GNL3: variants seen among roughly 807,000 people sequenced by gnomAD.
GNL3 encodes the protein G protein nucleolar 3.
GNL3 carries 77 observed loss-of-function variants against 70.6 expected under a neutral mutation model. The ratio of observed to expected loss-of-function variants is 1.09; its 90% CI spans 0.91 to 1.32. The LOEUF (loss-of-function observed/expected upper bound fraction) is 1.32, where lower values mean the gene tolerates loss of function less well. Ranked by LOEUF, GNL3 falls within the 40% of genes most tolerant of loss-of-function variation. The pLI, the probability that GNL3 is intolerant of heterozygous loss-of-function variation, is 0.00. For missense variants in GNL3, 634 were observed against 644.0 expected (o/e 0.98, Z 0.17); for synonymous variants, 252 against 216.1 (o/e 1.17, Z -1.46).
In GNL3 at chr3:52,687,349, C is replaced by T. The variant is rs375460127; in HGVS notation, c.176C>T (p.Ala59Val). 4.5e-5 allele frequency: 73 copies of T among 1,613,660 alleles called. No homozygotes were observed. Among genetic ancestry groups the T allele is most frequent in the Middle Eastern group, 1.6e-4 (1 of 6,082 alleles). ...CCAAACAGTGCTCCCTTTAAGGAGGCTCTTCTTAGGGAAGCTGAGCTAAGG... is the reference window on the plus strand; with the variant it reads ...CCAAACAGTGCTCCCTTTAAGGAGGTTCTTCTTAGGGAAGCTGAGCTAAGG... The part of the protein sequence containing the change: ...GVPNSAPFKE[A>V]LLREAELRKQ... The change falls in exon 3 of 15, where the codon GCT (alanine) becomes GTT (valine). Residue 59 changes from alanine (A) to valine (V), a missense_variant. Transcript: ENST00000418458.
At chr3:52,691,376 G>A (rs2097327065) in intron 8 of GNL3, 166 bp from the exon 9 acceptor site, 7 of 637,534 alleles carry the variant, frequency 1.1e-5, no homozygotes, top group Non-Finnish European at 1.9e-5. Flanking sequence ...CATTACTTGT[G>A]CAAGAAATGA....
intron 4 of GNL3, 119 bp from the exon 5 acceptor site, chr3:52,687,990 C>G: frequency 2.9e-6 from 2 of 699,004 alleles, no homozygotes; most frequent in Non-Finnish European, 5.2e-6. Flanking sequence ...CAACTGAGTT[C>G]AGACTCCATC....
At position 52,687,345 on chromosome 3, in the gene GNL3, G is replaced by A; in HGVS notation, c.172G>A (p.Glu58Lys). The change falls in exon 3 of 15, where the codon GAG becomes AAG. Residue 58 changes from glutamate to lysine, a missense_variant. Physicochemically the swap from Glu to Lys is moderately conservative, Grantham distance 56 (BLOSUM62 1). Coordinates refer to ENST00000418458, the MANE Select transcript of GNL3 (RefSeq NM_014366.5). ...PGVPNSAPFKEALLREAELRK... is the reference protein window; with the variant it reads ...PGVPNSAPFKKALLREAELRK... ...AGTTCCAAACAGTGCTCCCTTTAAG[G>A]AGGCTCTTCTTAGGGAAGCTGAGCT... is the stretch of plus-strand genomic sequence containing the variant. 1.9e-6 allele frequency: 3 copies of A among 1,613,760 alleles called. No homozygotes were observed. The highest frequency in any genetic ancestry group is 2.5e-6 in the Non-Finnish European group (3 of 1,179,704).
intron 1 of GNL3, chr3:52,686,472 T>G (rs765960078): frequency 1.4e-5 from 8 of 569,952 alleles, no homozygotes; most frequent in Non-Finnish European, 2.2e-5. Flanking sequence ...CTCTCCTGCC[T>G]TATGATTCGT....
intron 9 of GNL3, 32 bp from the exon 10 acceptor site, chr3:52,692,840 T>C (rs367943882): frequency 2.5e-4 from 393 of 1,569,730 alleles, no homozygotes; most frequent in Non-Finnish European, 3.3e-4. Flanking sequence ...AATAGACCAA[T>C]GCCCCCATCA....
chr3:52,692,071 A>T (rs2097327820), intron 9 of GNL3, among the ~76,000 whole-genome samples: 1 of 152,212 alleles, frequency 6.6e-6, no homozygotes, highest in African/African-American at 2.4e-5. Context: ...GGAGTGGGAC[A>T]GCTGCCCACA....
At position 52,686,049 on chromosome 3, in the gene GNL3, A is replaced by G. The variant is rs978291198; in HGVS notation, c.-44A>G. 9 of 919,260 alleles carry G rather than the reference A, an allele frequency of 9.8e-6. No individual in the cohort carries two copies. The highest frequency in any genetic ancestry group is 1.7e-5 in the Admixed American group (1 of 59,184). The allele number at this position is 919,260 out of a possible 1,614,324, so 56.9% of individuals were successfully genotyped here. A position where few individuals can be genotyped will look rare whatever the true frequency, so the allele number is the denominator to read the frequency against. On this transcript the variant is annotated 5_prime_UTR_variant, in exon 1 of 15. Transcript: ENST00000418458. ...GTGGCTTCAGTTCACACGTGGCGCC[A>G]GCGGAGGCAGGTTGATGTGTTTGTG... is the stretch of plus-strand genomic sequence containing the variant.
At chr3:52,686,651 C>T (rs922951807) in intron 1 of GNL3, 118 bp from the exon 2 acceptor site, 1 of 729,052 alleles carries the variant, frequency 1.4e-6, no homozygotes, top group Non-Finnish European at 2.4e-6. Context: ...AGGCATTTCG[C>T]ATTAGACTTA....
Position 52,691,336 on chromosome 3 carries a change from G to A in GNL3, c.782-206G>A, listed in dbSNP as rs2097327040. ...GCTGGTTTCTAAAAGTTCTTGGTTTGTTTGAATTTATAGTATTTTCCTGCC... is the reference window on the plus strand; with the variant it reads ...GCTGGTTTCTAAAAGTTCTTGGTTTATTTGAATTTATAGTATTTTCCTGCC... On this transcript the variant is annotated intron_variant, in intron 8 of 14. Coordinates refer to ENST00000418458, the MANE Select transcript of GNL3 (RefSeq NM_014366.5). 1.3e-5 allele frequency: 8 copies of A among 606,944 alleles called. No individual in the cohort carries two copies. The South Asian group carries it at 1.7e-4, about 13-fold the overall frequency. The allele number at this position is 606,944 out of a possible 1,614,324, so 37.6% of individuals were successfully genotyped here. A position where few individuals can be genotyped will look rare whatever the true frequency, so the allele number is the denominator to read the frequency against.
intron 4 of GNL3, 157 bp downstream of exon 4, chr3:52,687,772 C>T: frequency 1.6e-6 from 1 of 615,252 alleles, no homozygotes; most frequent in Non-Finnish European, 2.9e-6. Flanking sequence ...GCTGGGACTA[C>T]AGAAGCACAC....
At chr3:52,691,288 G>A in intron 8 of GNL3, 1 of 608,236 alleles carries the variant, frequency 1.6e-6, no homozygotes, top group Non-Finnish European at 2.9e-6. Flanking sequence ...CAGGTTTTTT[G>A]TTGGGACTGA....
chr3:52,693,482 T>C lies in GNL3; in HGVS notation c.1262T>C (p.Val421Ala). The C allele has an allele frequency of 6.2e-7, 1 of 1,614,118 alleles. No individual in the cohort carries two copies. Among genetic ancestry groups the C allele is most frequent in the Non-Finnish European group, 8.5e-7 (1 of 1,179,946 alleles). ...PPPYFNESIV[V>A]DMKSGFNLEE... ...CCATATTTTAATGAGAGTATTGTGG[T>C]AGACATGAAAAGCGGCTTCAATCTG... The change falls in exon 12 of 15, where the codon GTA becomes GCA. Residue 421 changes from valine (V) to alanine (A), a missense_variant. Physicochemically the swap from Val to Ala is moderately conservative, Grantham distance 64 (BLOSUM62 0). Coordinates refer to ENST00000418458, the MANE Select transcript of GNL3 (RefSeq NM_014366.5).
chr3:52,687,899 C>T (rs1265262333), intron 4 of GNL3: 5 of 596,084 alleles, frequency 8.4e-6, no homozygotes. Flanking sequence ...CAGGTGTGGG[C>T]TGTTGTGCCT....
chr3:52,694,046 T>TC lies in GNL3; in HGVS notation c.1511dup (p.Gly505ArgfsTer14). ...TTTCTTTGTCACACAGGAAAACAGC[T>TC]CAGGCATGTTTGCTGCAGAAGAGAC... On this transcript the variant is annotated frameshift_variant, in exon 14 of 15. Coordinates refer to ENST00000418458, the MANE Select transcript of GNL3 (RefSeq NM_014366.5). LOFTEE classifies it high-confidence loss of function. 1 of 1,613,648 alleles carries TC rather than the reference T, an allele frequency of 6.2e-7. No individual in the cohort carries two copies. Among genetic ancestry groups the TC allele is most frequent in the Admixed American group, 1.7e-5 (1 of 60,020 alleles).
At position 52,688,212 on chromosome 3, in the gene GNL3, T is replaced by C. The variant is rs1349820578; in HGVS notation, c.408+20T>C. ...AAAAAGGTATCTTAGCCTAGGTCAG[T>C]GTCTGACAGTAGTAATGAGGTTTAA... On this transcript the variant is annotated intron_variant, in intron 5 of 14. Coordinates refer to ENST00000418458, the MANE Select transcript of GNL3 (RefSeq NM_014366.5). 7.3e-7 allele frequency: 1 copy of C among 1,364,210 alleles called. No homozygotes were observed. The allele number at this position is 1,364,210 out of a possible 1,614,324, so 84.5% of individuals were successfully genotyped here. A position where few individuals can be genotyped will look rare whatever the true frequency, so the allele number is the denominator to read the frequency against.
At chr3:52,692,509 C>G (rs919025875) in intron 9 of GNL3, among the ~76,000 whole-genome samples, 9 of 151,060 alleles carry the variant, frequency 6.0e-5, no homozygotes, top group Admixed American at 2.6e-4. Context: ...AGAGACAGGG[C>G]TTTCATCATG....
chr3:52,686,685 C>T, intron 1 of GNL3, 84 bp from the exon 2 acceptor site: 1 of 1,024,560 alleles, frequency 9.8e-7, no homozygotes, highest in Non-Finnish European at 1.5e-6. Context: ...TAGCCAATAA[C>T]ACAAGAAAAG....
Position 52,686,894 on chromosome 3 carries a change from C to T in GNL3, c.72+67C>T, listed in dbSNP as rs566526423. ...AAACTGATTTTGCCCTGTTCCTTTG[C>T]GGGAAAGTCTGGGTTAATGTGATTT... is the stretch of plus-strand genomic sequence containing the variant. On this transcript the variant is annotated intron_variant, in intron 2 of 14. Transcript: ENST00000418458. 1.8e-4 allele frequency: 214 copies of T among 1,213,186 alleles called. No homozygotes were observed. The African/African-American group carries it at 2.5e-3, about 14-fold the overall frequency. 75.2% of individuals were successfully genotyped at this position (1,213,186 alleles called of 1,614,324 possible). A position where few individuals can be genotyped will look rare whatever the true frequency, so the allele number is the denominator to read the frequency against.
intron 2 of GNL3, 67 bp downstream of exon 2, chr3:52,686,894 C>A: frequency 1.6e-6 from 2 of 1,213,182 alleles, no homozygotes; most frequent in African/African-American, 1.5e-5. Flanking sequence ...TGTTCCTTTG[C>A]GGGAAAGTCT....
Sources: gnomAD v4.1 joint callset for allele counts (sites outside exome capture counted in the v4.1 genomes callset) on GRCh38, gnomAD v4.1.1 for gene constraint, MANE v1.5 for transcripts, NCBI Gene and HGNC (gene_info 2026-07-23, HGNC 2026-07-21) for gene names.